C5orf34: variants seen among roughly 807,000 people sequenced by gnomAD.
C5orf34 encodes chromosome 5 open reading frame 34.
Under a neutral mutation model 78.4 loss-of-function variants are expected in C5orf34, and 73 were observed. The ratio of observed to expected loss-of-function variants is 0.93; its 90% CI spans 0.77 to 1.13. The LOEUF (loss-of-function observed/expected upper bound fraction) is 1.13, where lower values mean the gene tolerates loss of function less well. Among genes scored for constraint, C5orf34 ranks in the 50% most tolerant of loss-of-function variants. The probability of loss-of-function intolerance (pLI) is 0.00; values close to 1 mark genes in which losing one functional copy is unlikely to be tolerated. For missense variants in C5orf34, 730 were observed against 732.7 expected (o/e 1.00, Z 0.04); for synonymous variants, 251 against 246.6 (o/e 1.02, Z -0.17).
At chr5:43,503,556 C>A (rs759242285) in intron 5 of C5orf34, 109 bp downstream of exon 5, 2 of 800,320 alleles carry the variant, frequency 2.5e-6, no homozygotes. Context: ...GTTGGCCCAA[C>A]AGAACTGTGT....
At chr5:43,497,471 C>T (rs1268212176) in intron 6 of C5orf34, among the ~76,000 whole-genome samples, 2 of 152,106 alleles carry the variant, frequency 1.3e-5, no homozygotes, top group African/African-American at 4.8e-5. Context: ...ATTTAAACCA[C>T]CAAGAGAGTG....
chr5:43,501,623 T>A (rs923450719), intron 6 of C5orf34, among the ~76,000 whole-genome samples: 2 of 151,960 alleles, frequency 1.3e-5, no homozygotes, highest in Admixed American at 6.6e-5. Flanking sequence ...TACATAGGGG[T>A]CCCTTATATT....
chr5:43,492,039 A>G (rs965298680), intron 10 of C5orf34, among the ~76,000 whole-genome samples, 176 bp downstream of exon 10: 13 of 149,948 alleles, frequency 8.7e-5, no homozygotes, highest in African/African-American at 3.2e-4. Flanking sequence ...GACTTGATCT[A>G]TTTAGTTATG....
Position 43,505,962 on chromosome 5 carries a change from G to T in C5orf34, c.718C>A (p.Gln240Lys). The part of the protein sequence containing the change: ...KHTCVYTWVK[Q>K]CWSVAACPEE... ...GGACAGGCAGCCACAGACCAGCACT[G>T]CTTGACCCATGTGTATACACATGTG... The change falls in exon 4 of 13, where the codon CAG becomes AAG. Residue 240 changes from glutamine (Q) to lysine (K), a missense_variant. Gln to Lys is a moderately conservative substitution (Grantham distance 53, BLOSUM62 1). Coordinates refer to ENST00000306862, the MANE Select transcript of C5orf34 (RefSeq NM_198566.4). 1 of 1,614,142 alleles carries T rather than the reference G, an allele frequency of 6.2e-7. No homozygotes were observed. Among genetic ancestry groups the T allele is most frequent in the Non-Finnish European group, 8.5e-7 (1 of 1,180,006 alleles).
At chr5:43,494,680 T>A in intron 6 of C5orf34, 79 bp from the exon 7 acceptor site, 1 of 735,102 alleles carries the variant, frequency 1.4e-6, no homozygotes, top group South Asian at 2.0e-5. Context: ...CCTTGAAATA[T>A]GTTTTTACAA....
At chr5:43,500,552 TG>T (rs965125054) in intron 6 of C5orf34, among the ~76,000 whole-genome samples, 1 of 152,148 alleles carries the variant, frequency 6.6e-6, no homozygotes, top group African/African-American at 2.4e-5. Flanking sequence ...AGCACCACCA[TG>T]CCTGGCTAAT....
intron 4 of C5orf34, 96 bp downstream of exon 4, chr5:43,505,647 ATAAAC>A: frequency 5.4e-6 from 7 of 1,303,034 alleles, no homozygotes; most frequent in Non-Finnish European, 7.3e-6. Flanking sequence ...TTTGGATGAG[ATAAAC>A]TTTCCTTGTG....
intron 6 of C5orf34, 106 bp downstream of exon 6, chr5:43,502,266 A>G: frequency 9.2e-7 from 1 of 1,082,096 alleles, no homozygotes; most frequent in Non-Finnish European, 1.4e-6. Context: ...ACTGGGGAGT[A>G]GGAAGCAATG....
intron 2 of C5orf34, 51 bp from the exon 3 acceptor site, chr5:43,508,717 C>T: frequency 8.9e-7 from 1 of 1,117,950 alleles, no homozygotes; most frequent in Non-Finnish European, 1.4e-6. Flanking sequence ...ATTTGAAAAT[C>T]AATTAAAAAT....
At chr5:43,505,154 A>G (rs1297096790) in intron 4 of C5orf34, among the ~76,000 whole-genome samples, 1 of 152,262 alleles carries the variant, frequency 6.6e-6, no homozygotes, top group Admixed American at 6.5e-5. Flanking sequence ...CTGTTTATGC[A>G]AAGTTGATGT....
chr5:43,488,201 T>C, intron 11 of C5orf34: 1 of 483,994 alleles, frequency 2.1e-6, no homozygotes. Context: ...TAATCAAATA[T>C]TGATGTTTGA....
rs148675143 is a variant in C5orf34, at chr5:43,503,782, C to T, written c.933-22G>A. On this transcript the variant is annotated intron_variant, in intron 4 of 12. Coordinates refer to ENST00000306862, the MANE Select transcript of C5orf34 (RefSeq NM_198566.4). ...CCACCTGTGAAGGATAAAATACAAG[C>T]TATTACTTCTGGTTGCTCAATATAA... The T allele has an allele frequency of 2.4e-5, 36 of 1,474,904 alleles. No individual in the cohort carries two copies. In the East Asian group the frequency reaches 6.8e-4, roughly 28 times the overall value. The allele number at this position is 1,474,904 out of a possible 1,614,324, so 91.4% of individuals were successfully genotyped here. A position where few individuals can be genotyped will look rare whatever the true frequency, so the allele number is the denominator to read the frequency against.
intron 6 of C5orf34, chr5:43,496,410 G>T: frequency 6.3e-7 from 1 of 1,595,354 alleles, no homozygotes; most frequent in Admixed American, 1.7e-5. Flanking sequence ...CCGAATTTAC[G>T]TGTCCAATGA....
chr5:43,493,532 T>A lies in C5orf34; in HGVS notation c.1314+11A>T. The A allele has an allele frequency of 6.8e-7, 1 of 1,460,092 alleles. No individual in the cohort carries two copies. Among genetic ancestry groups the A allele is most frequent in the Non-Finnish European group, 9.5e-7 (1 of 1,053,338 alleles). 90.4% of individuals were successfully genotyped at this position (1,460,092 alleles called of 1,614,324 possible). Reference sequence around the variant, plus strand: ...TAAAAATATCTTGCTTTTAAAATAATTTTAACATACCATTTTCCAGCAGCA... The same window carrying A: ...TAAAAATATCTTGCTTTTAAAATAAATTTAACATACCATTTTCCAGCAGCA... On this transcript the variant is annotated intron_variant, in intron 8 of 12. Coordinates refer to ENST00000306862, the MANE Select transcript of C5orf34 (RefSeq NM_198566.4).
At position 43,493,565 on chromosome 5, in the gene C5orf34, T is replaced by C. The variant is rs1026628752; in HGVS notation, c.1292A>G (p.Tyr431Cys). The C allele has an allele frequency of 5.1e-6, 8 of 1,574,146 alleles. No homozygotes were observed. Among genetic ancestry groups the C allele is most frequent in the Non-Finnish European group, 6.9e-6 (8 of 1,154,914 alleles). Residue 431 changes from tyrosine to cysteine, a missense_variant, in exon 8 of 13, where the codon TAT (tyrosine) becomes TGT (cysteine). Tyr to Cys is a radical substitution (Grantham distance 194). Transcript: ENST00000306862. ...VKMRLSLSHNYRICCWKMVPG... is the reference protein window; with the variant it reads ...VKMRLSLSHNCRICCWKMVPG... The stretch of plus-strand genomic sequence containing the variant: ...TACCATTTTCCAGCAGCATATACGA[T>C]AGTTATGGCTTAAAGAAAGTCTCAT...
At chr5:43,495,154 A>G in intron 6 of C5orf34, 1 of 1,607,890 alleles carries the variant, frequency 6.2e-7, no homozygotes, top group East Asian at 2.2e-5. Context: ...CTTTGATGAC[A>G]CCCACCGCAA....
At chr5:43,509,569 C>G (rs1461890082) in intron 1 of C5orf34, among the ~76,000 whole-genome samples, 194 bp from the exon 2 acceptor site, 3 of 152,172 alleles carry the variant, frequency 2.0e-5, no homozygotes, top group Non-Finnish European at 4.4e-5. Context: ...TAGAAGTTTA[C>G]TCCAATGGAG....
At chr5:43,510,972 C>T (rs55840411) in intron 1 of C5orf34, 32,800 of 142,212 alleles carry the variant, frequency 0.23, 388 homozygotes, top group South Asian at 0.36. Flanking sequence ...CTCTTCCCGG[C>T]CGCCATCCCA....
intron 7 of C5orf34, 109 bp downstream of exon 7, chr5:43,494,401 T>A (rs879344473): frequency 1.2e-4 from 73 of 595,762 alleles, no homozygotes; most frequent in Non-Finnish European, 1.8e-4. Flanking sequence ...ACCGAAGGCA[T>A]ATATTTCCAT....
Sources: allele counts gnomAD v4.1 joint callset (sites outside exome capture counted in the v4.1 genomes callset), GRCh38; gene constraint gnomAD v4.1.1; transcripts MANE v1.5; gene names NCBI Gene and HGNC (gene_info 2026-07-23, HGNC 2026-07-21).